The following SLC44A2 variants were observed in gnomAD, a reference collection of about 807,000 sequenced individuals.
The protein encoded by SLC44A2 is solute carrier family 44 member 2 (CTL2 blood group).
In SLC44A2, 57 loss-of-function variants were observed where a neutral mutation model predicts 90.8. The observed-to-expected ratio is 0.63, with a 90% confidence interval of 0.51 to 0.78. The LOEUF (loss-of-function observed/expected upper bound fraction) is 0.78. Ranked by LOEUF, SLC44A2 falls within the 30% of genes least tolerant of loss-of-function variation. The pLI is 0.00. For synonymous variants in SLC44A2, 355 were observed against 360.7 expected (o/e 0.98, Z 0.18); for missense variants, 794 against 919.7 (o/e 0.86, Z 1.77).
chr19:10,602,685 C>T, intron 1 of SLC44A2: 1 of 910,984 alleles, frequency 1.1e-6, no homozygotes, highest in Non-Finnish European at 1.4e-6. Flanking sequence ...GCGCTCGGGC[C>T]CCCGCATCCG....
chr19:10,631,583 G>T, intron 7 of SLC44A2, 43 bp from the exon 8 acceptor site: 1 of 1,613,960 alleles, frequency 6.2e-7, no homozygotes, highest in African/African-American at 1.3e-5. Flanking sequence ...GGGAGGCTCT[G>T]CAGAGGCTCA....
At position 10,636,358 on chromosome 19, in the gene SLC44A2, C is replaced by T. The variant is rs757264567; in HGVS notation, c.1269C>T (p.Pro423=). The change falls in exon 15 of 22, where the codon CCC becomes CCT. Residue 423 remains proline, a synonymous_variant. Transcript: ENST00000335757. Reference sequence around the variant, plus strand: ...CCTCCAATGAGTCCCGCCAATGCCCCAATGCCCGTTGCCAGTTCGCCTTCT... The same window carrying T: ...CCTCCAATGAGTCCCGCCAATGCCCTAATGCCCGTTGCCAGTTCGCCTTCT... The part of the protein sequence containing the change: ...FPSSNESRQC[P]NARCQFAFYG... 1.1e-5 allele frequency: 17 copies of T among 1,613,840 alleles called. 1 individual carries two copies. The highest frequency in any genetic ancestry group is 1.6e-4 in the Middle Eastern group (1 of 6,084).
Position 10,637,886 on chromosome 19 carries a change from T to G in SLC44A2, c.1726T>G (p.Ser576Ala), listed in dbSNP as rs974372782. ...IAIYGTNFCT[S>A]ARNAFFLLMR... ...CATCTACGGCACCAATTTCTGCACC[T>G]CGGCCAGGAATGCCTTCTTCCTGCT... The change falls in exon 18 of 22, where the codon TCG (serine) becomes GCG (alanine). Residue 576 changes from serine (S) to alanine (A), a missense_variant. By Grantham distance (99) the Ser-to-Ala change is moderately conservative (BLOSUM62 1). Around this residue, in one of 3 missense-constraint regions of SLC44A2, gnomAD observed 738 missense variants for 841.1 expected, o/e 0.88. Coordinates refer to ENST00000335757, the MANE Select transcript of SLC44A2 (RefSeq NM_020428.4). The G allele has an allele frequency of 6.2e-7, 1 of 1,613,996 alleles. No homozygotes were observed.
At chr19:10,630,227 C>A (rs372108682) in intron 4 of SLC44A2, among the ~76,000 whole-genome samples, 2 of 152,004 alleles carry the variant, frequency 1.3e-5, no homozygotes, top group African/African-American at 4.8e-5. Flanking sequence ...TGCGCACACC[C>A]GTAGTCTCAG....
chr19:10,605,827 C>G (rs1170809420), intron 1 of SLC44A2, among the ~76,000 whole-genome samples: 1 of 151,730 alleles, frequency 6.6e-6, no homozygotes, highest in Non-Finnish European at 1.5e-5. Flanking sequence ...AACCCCGTCT[C>G]TATTAAAAAT....
intron 10 of SLC44A2, among the ~76,000 whole-genome samples, chr19:10,634,137 ATTTTTTTT>A (rs1177075276): frequency 0.016 from 1,311 of 80,396 alleles, 31 homozygotes; most frequent in African/African-American, 0.064. Flanking sequence ...CGCCCAGCTA[ATTTTTTTT>A]TTTTTTTTTT....
In SLC44A2 at chr19:10,634,860, C is replaced by A; in HGVS notation, c.928C>A (p.His310Asn). ...TCAGACGGATTTCCGGGTGTACCTG[C>A]ACTTACGGCAGACCTGGTTGGCCTT... ...GFQTDFRVYL[H>N]LRQTWLAFMI... is the part of the protein sequence containing the mutation. Residue 310 changes from histidine (H) to asparagine (N), a missense_variant, in exon 11 of 22, where the codon CAC (histidine) becomes AAC (asparagine). Physicochemically the swap from His to Asn is moderately conservative, Grantham distance 68. Coordinates refer to ENST00000335757, the MANE Select transcript of SLC44A2 (RefSeq NM_020428.4). 1 of 1,614,200 alleles carries A rather than the reference C, an allele frequency of 6.2e-7. No individual in the cohort carries two copies. Among genetic ancestry groups the A allele is most frequent in the Non-Finnish European group, 8.5e-7 (1 of 1,180,048 alleles).
chr19:10,632,183 T>C (rs907613167), intron 10 of SLC44A2, 27 bp downstream of exon 10: 3 of 1,583,672 alleles, frequency 1.9e-6, no homozygotes, highest in Non-Finnish European at 2.6e-6. Flanking sequence ...CTGTGGCTTC[T>C]CTTTCCTGAA....
At chr19:10,626,412 C>CT (rs886227375) in intron 2 of SLC44A2, 111 bp downstream of exon 2, 58,565 of 659,818 alleles carry the variant, frequency 0.089, 35 homozygotes, top group East Asian at 0.1. Context: ...ATATTTGAAA[C>CT]TTTTTTTTTT....
Position 10,635,180 on chromosome 19 carries a change from T to C in SLC44A2, c.1073T>C (p.Met358Thr). The C allele has an allele frequency of 6.2e-7, 1 of 1,614,068 alleles. No homozygotes were observed. Among genetic ancestry groups the C allele is most frequent in the Non-Finnish European group, 8.5e-7 (1 of 1,180,030 alleles). ...KEASRAVGYVMCSLLYPLVTF... is the reference protein window; with the variant it reads ...KEASRAVGYVTCSLLYPLVTF... ...TTCCCTAGGGCTGTGGGATACGTCA[T>C]GTGCTCCTTGCTCTACCCACTGGTC... The change falls in exon 13 of 22, where the codon ATG becomes ACG. Residue 358 changes from methionine (M) to threonine (T), a missense_variant. This residue lies in a region of SLC44A2 where 738 missense variants were observed against 841.1 expected (regional missense o/e 0.88). Coordinates refer to ENST00000335757, the MANE Select transcript of SLC44A2 (RefSeq NM_020428.4).
chr19:10,639,835 C>G (rs944919718), intron 20 of SLC44A2, among the ~76,000 whole-genome samples: 1 of 151,934 alleles, frequency 6.6e-6, no homozygotes, highest in Non-Finnish European at 1.5e-5. Flanking sequence ...GAGCCGAGAT[C>G]GCGCCACTGC....
intron 8 of SLC44A2, 48 bp downstream of exon 8, chr19:10,631,797 A>T (rs1313803429): frequency 1.2e-6 from 2 of 1,613,980 alleles, no homozygotes; most frequent in Non-Finnish European, 1.7e-6. Flanking sequence ...GCTGGGTGGG[A>T]CAGGCAATCC....
At chr19:10,613,113 A>G (rs897251092) in intron 1 of SLC44A2, among the ~76,000 whole-genome samples, 1 of 152,144 alleles carries the variant, frequency 6.6e-6, no homozygotes, top group Non-Finnish European at 1.5e-5. Context: ...GCTGGAGTGC[A>G]GTGGCGTGAT....
At position 10,635,076 on chromosome 19, in the gene SLC44A2, G is replaced by C. The variant is rs866806752; in HGVS notation, c.1055+3G>C. The C allele has an allele frequency of 6.2e-7, 1 of 1,614,004 alleles. No individual in the cohort carries two copies. Among genetic ancestry groups the C allele is most frequent in the Non-Finnish European group, 8.5e-7 (1 of 1,179,972 alleles). On this transcript the variant is annotated splice_donor_region_variant and intron_variant, in intron 12 of 21. Transcript: ENST00000335757. ...GCACTCATCAAAGAAGCCAGCAGGT[G>C]GGGGGCCAGGGTGCCAGGGGCCAGG... is the stretch of plus-strand genomic sequence containing the variant.
intron 4 of SLC44A2, among the ~76,000 whole-genome samples, chr19:10,629,184 A>G (rs1265985589): frequency 1.3e-5 from 2 of 150,592 alleles, no homozygotes; most frequent in East Asian, 3.9e-4. Flanking sequence ...AGCCTAGGCA[A>G]CAGAGCAAGA....
At chr19:10,641,244 A>G (rs2067112646) in intron 20 of SLC44A2, 1 of 355,304 alleles carries the variant, frequency 2.8e-6, no homozygotes, top group African/African-American at 2.1e-5. Context: ...AAATACAAAA[A>G]TTAGCTGGGT....
At chr19:10,634,412 C>T (rs2067031147) in intron 10 of SLC44A2, among the ~76,000 whole-genome samples, 1 of 149,722 alleles carries the variant, frequency 6.7e-6, no homozygotes, top group Non-Finnish European at 1.5e-5. Flanking sequence ...TGCGGTGAGC[C>T]GAGATTGTGC....
chr19:10,604,332 C>T (rs1422376951), intron 1 of SLC44A2, among the ~76,000 whole-genome samples: 1 of 152,206 alleles, frequency 6.6e-6, no homozygotes, highest in Non-Finnish European at 1.5e-5. Context: ...GAACAGCAAA[C>T]AAACCACGTA....
chr19:10,635,712 C>T, intron 14 of SLC44A2, 197 bp downstream of exon 14: 1 of 542,714 alleles, frequency 1.8e-6, no homozygotes, highest in Non-Finnish European at 3.2e-6. Context: ...AGCTGGCTTC[C>T]TCTCTTCAAC....
Sources: gnomAD v4.1 joint callset for allele counts (sites outside exome capture counted in the v4.1 genomes callset) on GRCh38, gnomAD v4.1.1 for gene constraint, gnomAD v4.1.1 regional missense constraint, MANE v1.5 for transcripts, NCBI Gene and HGNC (gene_info 2026-07-23, HGNC 2026-07-21) for gene names.